RDH10: variants seen among roughly 807,000 people sequenced by gnomAD.
RDH10 encodes retinol dehydrogenase 10 (all-trans).
A neutral mutation model predicts 30.2 loss-of-function variants in RDH10; 12 were observed. The ratio of observed to expected loss-of-function variants is 0.40; its 90% CI spans 0.25 to 0.64. The LOEUF is 0.64. Ranked by LOEUF, RDH10 falls within the 30% of genes least tolerant of loss-of-function variation. RDH10 has a pLI of 0.43. For missense variants in RDH10, 268 were observed against 445.2 expected, an observed-to-expected ratio of 0.60 and a Z score of 3.58; for synonymous variants, 189 against 172.2, an observed-to-expected ratio of 1.10 and a Z score of -0.76.
At chr8:73,296,406 T>G (rs1271845501) in intron 1 of RDH10, among the ~76,000 whole-genome samples, 2 of 152,184 alleles carry the variant, frequency 1.3e-5, no homozygotes, top group Non-Finnish European at 2.9e-5. Context: ...TATTGATAAT[T>G]TATCATCAAA....
In RDH10 at chr8:73,322,679, G is replaced by A; in HGVS notation, c.771G>A (p.Arg257=). ...TTGTTTTTGAATAAATAACTTTCAG[G>A]AAAGAAATTGAGCCTTTTCTGCCAC... ...DTGMFRGCRI[R]KEIEPFLPPL... is the part of the protein sequence containing the mutation. Residue 257 remains arginine, a splice_region_variant and synonymous_variant, in exon 5 of 6, where the codon AGG becomes AGA. Coordinates refer to ENST00000240285, the MANE Select transcript of RDH10 (RefSeq NM_172037.5). The A allele has an allele frequency of 6.2e-7, 1 of 1,606,684 alleles. No individual in the cohort carries two copies. The highest frequency in any genetic ancestry group is 8.5e-7 in the Non-Finnish European group (1 of 1,177,636).
chr8:73,296,708 T>C (rs1814272844), intron 1 of RDH10, among the ~76,000 whole-genome samples: 1 of 152,184 alleles, frequency 6.6e-6, no homozygotes, highest in South Asian at 2.1e-4. Flanking sequence ...ATTTCTTGGC[T>C]TTGGATGAGT....
At chr8:73,322,416 G>T (rs1586198034) in intron 4 of RDH10, 1 of 399,986 alleles carries the variant, frequency 2.5e-6, no homozygotes, top group East Asian at 4.9e-5. Context: ...ATACTTTTAA[G>T]GCATCTTAAA....
Position 73,319,165 on chromosome 8 carries a change from T to C in RDH10, c.595T>C (p.Leu199=), listed in dbSNP as rs199693590. 2.1e-5 allele frequency: 34 copies of C among 1,613,482 alleles called. No homozygotes were observed. In the East Asian group the frequency reaches 7.4e-4, roughly 35 times the overall value. The part of the protein sequence containing the change: ...HGHIVTVASS[L]GLFSTAGVED... ...TCATATTGTGACAGTTGCAAGTTCC[T>C]TGGGATTGTTCAGTACTGCCGGAGT... The change falls in exon 3 of 6, where the codon TTG becomes CTG. Residue 199 remains leucine, a synonymous_variant. Transcript: ENST00000240285.
intron 2 of RDH10, among the ~76,000 whole-genome samples, chr8:73,306,728 T>A (rs1220438684): frequency 6.6e-6 from 1 of 152,234 alleles, no homozygotes; most frequent in East Asian, 1.9e-4. Context: ...AGCATTGTAT[T>A]TTTTGGTTTG....
intron 3 of RDH10, 69 bp downstream of exon 3, chr8:73,319,263 A>C: frequency 9.4e-7 from 1 of 1,061,966 alleles, no homozygotes; most frequent in Non-Finnish European, 1.4e-6. Context: ...CAGAACCTCC[A>C]GGAGAGCACC....
At position 73,295,172 on chromosome 8, in the gene RDH10, G is replaced by T; in HGVS notation, c.-118G>T. On this transcript the variant is annotated 5_prime_UTR_variant, in exon 1 of 6. Transcript: ENST00000240285. ...CGGGCACCTCGGGGGCGGGCGCGGG[G>T]CGCAGCCTTCTCGTCCCGGCCTCTG... 8.8e-6 allele frequency: 9 copies of T among 1,026,128 alleles called. No homozygotes were observed. Among genetic ancestry groups the T allele is most frequent in the Admixed American group, 4.0e-5 (1 of 24,828 alleles). The allele number at this position is 1,026,128 out of a possible 1,614,324, so 63.6% of individuals were successfully genotyped here.
rs1390901288 is a variant in RDH10, at chr8:73,294,648, A to C, written c.-642A>C. On this transcript the variant is annotated 5_prime_UTR_variant, in exon 1 of 6. Transcript: ENST00000240285. ...GACTTGCAAGCGGGCTGCGCTGCGGAGCCCAGTGCCCGAGTGACACCCGCG... is the reference window on the plus strand; with the variant it reads ...GACTTGCAAGCGGGCTGCGCTGCGGCGCCCAGTGCCCGAGTGACACCCGCG... 1 of 341,374 alleles carries C rather than the reference A, an allele frequency of 2.9e-6. No homozygotes were observed. Among genetic ancestry groups the C allele is most frequent in the Non-Finnish European group, 5.3e-6 (1 of 190,108 alleles). The allele number at this position is 341,374 out of a possible 1,614,324, so 21.1% of individuals were successfully genotyped here.
chr8:73,312,021 C>T (rs1478558347), intron 2 of RDH10: 2 of 151,860 alleles, frequency 1.3e-5, no homozygotes, highest in African/African-American at 4.8e-5. Context: ...TCAAATAATA[C>T]TTTCTGTGGT....
At chr8:73,300,730 C>T (rs1814358419) in intron 2 of RDH10, among the ~76,000 whole-genome samples, 1 of 152,222 alleles carries the variant, frequency 6.6e-6, no homozygotes, top group African/African-American at 2.4e-5. Flanking sequence ...ATTCCCTCTA[C>T]CTGAAACACC....
intron 1 of RDH10, among the ~76,000 whole-genome samples, chr8:73,296,352 C>T (rs1351905774): frequency 7.3e-5 from 11 of 151,128 alleles, no homozygotes; most frequent in Non-Finnish European, 1.6e-4. Flanking sequence ...TTAGGGAAAA[C>T]ATTTACCTGT....
chr8:73,303,842 A>G (rs1390989934), intron 2 of RDH10, among the ~76,000 whole-genome samples: 1 of 152,230 alleles, frequency 6.6e-6, no homozygotes, highest in Non-Finnish European at 1.5e-5. Flanking sequence ...AATCTATGAC[A>G]TGATAAAATA....
In RDH10 at chr8:73,294,788, C is replaced by T. The variant is rs1481110635; in HGVS notation, c.-502C>T. 1.6e-5 allele frequency: 6 copies of T among 366,420 alleles called. No individual in the cohort carries two copies. The highest frequency in any genetic ancestry group is 6.4e-5 in the African/African-American group (3 of 47,124). 22.7% of individuals were successfully genotyped at this position (366,420 alleles called of 1,614,324 possible). On this transcript the variant is annotated 5_prime_UTR_variant, in exon 1 of 6. Transcript: ENST00000240285. ...CGGCGCTCCGCCGCCCCGCACCCCA[C>T]TCTCCCACCCTCTCGCAACTTGGGT...
chr8:73,298,589 G>A (rs1320342682), intron 2 of RDH10, among the ~76,000 whole-genome samples: 11 of 152,110 alleles, frequency 7.2e-5, no homozygotes, highest in East Asian at 3.9e-4. Flanking sequence ...ATGCAGTGGC[G>A]CGATCTTGGC....
intron 1 of RDH10, 186 bp downstream of exon 1, chr8:73,295,764 C>A: frequency 1.1e-6 from 1 of 928,360 alleles, no homozygotes; most frequent in Non-Finnish European, 1.5e-6. Context: ...TTCTGTATTA[C>A]CAGGGAGAAG....
At chr8:73,297,111 G>T in intron 1 of RDH10, 83 bp from the exon 2 acceptor site, 1 of 794,126 alleles carries the variant, frequency 1.3e-6, no homozygotes. Flanking sequence ...TGTGATCTTT[G>T]TCCTACTGAT....
At chr8:73,301,042 C>CTTTT (rs57107587) in intron 2 of RDH10, among the ~76,000 whole-genome samples, 8 of 87,234 alleles carry the variant, frequency 9.2e-5, no homozygotes, top group African/African-American at 1.4e-4. Flanking sequence ...AAACTCTATT[C>CTTTT]TTTTTTTTTT....
At chr8:73,321,627 C>T (rs1814770991) in intron 4 of RDH10, 1 of 355,832 alleles carries the variant, frequency 2.8e-6, no homozygotes, top group Non-Finnish European at 5.6e-6. Flanking sequence ...AATACCCACA[C>T]ACATAGAAAG....
chr8:73,321,768 G>C (rs1027877433), intron 4 of RDH10: 1 of 455,324 alleles, frequency 2.2e-6, no homozygotes, highest in Non-Finnish European at 4.4e-6. Flanking sequence ...GAGTTTGAAA[G>C]GCAAAGGAAG....
Sources: gnomAD v4.1 joint callset for allele counts (sites outside exome capture counted in the v4.1 genomes callset) on GRCh38, gnomAD v4.1.1 for gene constraint, MANE v1.5 for transcripts, NCBI Gene and HGNC (gene_info 2026-07-23, HGNC 2026-07-21) for gene names.